The following GBF1 variants were observed in gnomAD, a reference collection of about 807,000 sequenced individuals.
GBF1 encodes the protein Golgi-specific brefeldin A-resistance guanine nucleotide exchange factor 1.
In GBF1, 114 loss-of-function variants were observed where a neutral mutation model predicts 210.5. The ratio of observed to expected loss-of-function variants is 0.54; its 90% CI spans 0.47 to 0.63. The LOEUF is 0.63. GBF1 is among the 30% of genes least tolerant of loss of function. GBF1 has a pLI of 0.00. For synonymous variants in GBF1, 850 were observed against 889.2 expected (o/e 0.96, Z 0.78); for missense variants, 1,851 against 2,357.7 (o/e 0.79, Z 4.45).
chr10:102,365,618 A>G lies in GBF1; in HGVS notation c.2309+19A>G. The G allele has an allele frequency of 1.2e-6, 2 of 1,604,158 alleles. No individual in the cohort carries two copies. Among genetic ancestry groups the G allele is most frequent in the African/African-American group, 1.3e-5 (1 of 74,814 alleles). ...TTGTGAGGTGAGGAAGCTGTAAGAAATGTGGGATATAGCCAGGTATGGTGG... is the reference window on the plus strand; with the variant it reads ...TTGTGAGGTGAGGAAGCTGTAAGAAGTGTGGGATATAGCCAGGTATGGTGG... On this transcript the variant is annotated intron_variant, in intron 18 of 39. Coordinates refer to ENST00000369983, the MANE Select transcript of GBF1 (RefSeq NM_001377137.1).
intron 9 of GBF1, 44 bp downstream of exon 9, chr10:102,358,230 C>T: frequency 5.9e-6 from 9 of 1,537,350 alleles, no homozygotes; most frequent in Non-Finnish European, 8.0e-6. Flanking sequence ...AAAAGAAGAG[C>T]TCCTTTCTCT....
intron 3 of GBF1, among the ~76,000 whole-genome samples, chr10:102,326,204 T>C (rs2056885293): frequency 6.6e-6 from 1 of 152,230 alleles, no homozygotes; most frequent in African/African-American, 2.4e-5. Context: ...ACGCCAAGTA[T>C]GTAAACTTGC....
chr10:102,326,939 G>A (rs1415981846), intron 3 of GBF1, among the ~76,000 whole-genome samples: 1 of 152,182 alleles, frequency 6.6e-6, no homozygotes, highest in Non-Finnish European at 1.5e-5. Context: ...CTGGCACGTA[G>A]CCTGACTACC....
chr10:102,235,173 CCCCCCA>C, the GBF1 span, among the ~76,000 whole-genome samples: 54 of 56,136 alleles, frequency 9.6e-4, 3 homozygotes, highest in African/African-American at 5.1e-3. Flanking sequence ...CCTTCCCCCA[CCCCCCA>C]CCCCCCCACC....
Position 102,368,759 on chromosome 10 carries a change from C to T in GBF1, c.2900C>T (p.Ala967Val). The T allele has an allele frequency of 6.2e-7, 1 of 1,612,836 alleles. No homozygotes were observed. Among genetic ancestry groups the T allele is most frequent in the East Asian group, 2.2e-5 (1 of 44,878 alleles). Reference sequence around the variant, plus strand: ...TACAGGAAGTGCGCCATGATCTCCGCCCACTATGGCCTCAGCGATGTGTTT... The same window carrying T: ...TACAGGAAGTGCGCCATGATCTCCGTCCACTATGGCCTCAGCGATGTGTTT... ...SGFRKCAMISAHYGLSDVFDN... is the reference protein window; with the variant it reads ...SGFRKCAMISVHYGLSDVFDN... Residue 967 changes from alanine to valine, a missense_variant, in exon 23 of 40, where the codon GCC (alanine) becomes GTC (valine). Physicochemically the swap from Ala to Val is moderately conservative, Grantham distance 64. Coordinates refer to ENST00000369983, the MANE Select transcript of GBF1 (RefSeq NM_001377137.1).
intron 3 of GBF1, among the ~76,000 whole-genome samples, chr10:102,277,293 A>G (rs2075074030): frequency 6.6e-6 from 1 of 152,148 alleles, no homozygotes; most frequent in African/African-American, 2.4e-5. Flanking sequence ...ACTGCATTCC[A>G]CCATGGGTGA....
chr10:102,315,798 C>T (rs1435933576), intron 3 of GBF1, among the ~76,000 whole-genome samples: 2 of 152,088 alleles, frequency 1.3e-5, no homozygotes, highest in South Asian at 2.1e-4. Context: ...GTTGGGGACC[C>T]CTGCTGTAGG....
chr10:102,280,632 C>T (rs2133445455), intron 3 of GBF1, among the ~76,000 whole-genome samples: 1 of 152,364 alleles, frequency 6.6e-6, no homozygotes. Flanking sequence ...TACCTCTTGT[C>T]TCCCCAGTCA....
At chr10:102,305,528 T>G (rs1224665991) in intron 3 of GBF1, among the ~76,000 whole-genome samples, 1 of 151,984 alleles carries the variant, frequency 6.6e-6, no homozygotes, top group African/African-American at 2.4e-5. Context: ...GAGAATCACT[T>G]GAACCCAGGA....
the GBF1 span, chr10:102,231,445 C>A: frequency 1.6e-6 from 1 of 636,240 alleles, no homozygotes; most frequent in Non-Finnish European, 2.7e-6. Flanking sequence ...GGCAAGAGAC[C>A]GCGTGGGGCT....
intron 12 of GBF1, 81 bp from the exon 13 acceptor site, chr10:102,360,941 C>T: frequency 1.3e-6 from 1 of 767,446 alleles, no homozygotes; most frequent in Non-Finnish European, 2.3e-6. Flanking sequence ...CGCCACTGCA[C>T]TCCAGCGTGG....
chr10:102,362,431 G>A, intron 14 of GBF1, 44 bp from the exon 15 acceptor site: 1 of 1,334,918 alleles, frequency 7.5e-7, no homozygotes, highest in Non-Finnish European at 1.1e-6. Flanking sequence ...AAAGTGTAAA[G>A]TGTTCTCCTA....
intron 3 of GBF1, among the ~76,000 whole-genome samples, chr10:102,341,433 A>C (rs1339007026): frequency 6.6e-6 from 1 of 152,218 alleles, no homozygotes; most frequent in Non-Finnish European, 1.5e-5. Context: ...CAGGAATCCT[A>C]CCCCTGGGTA....
At chr10:102,374,005 T>A (rs1326632448) in intron 29 of GBF1, among the ~76,000 whole-genome samples, 1 of 152,242 alleles carries the variant, frequency 6.6e-6, no homozygotes, top group African/African-American at 2.4e-5. Context: ...AAAAAGGTTA[T>A]GTAATATATA....
intron 1 of GBF1, among the ~76,000 whole-genome samples, chr10:102,252,975 A>C (rs1000821150): frequency 6.6e-6 from 1 of 150,810 alleles, no homozygotes; most frequent in Admixed American, 6.6e-5. Context: ...GCTTACTGCA[A>C]CCTCCACCTC....
At chr10:102,318,333 C>T (rs1273150339) in intron 3 of GBF1, among the ~76,000 whole-genome samples, 7 of 152,008 alleles carry the variant, frequency 4.6e-5, no homozygotes, top group East Asian at 1.9e-4. Context: ...ACTACAGGTG[C>T]GCATCATCAC....
At position 102,376,883 on chromosome 10, in the gene GBF1, T is replaced by C. The variant is rs543955841; in HGVS notation, c.4289-52T>C. ...GGCTGAGAGGGGAGAAAAGGCAGGG[T>C]ATCTATGCCTATATAGACACAGAAA... On this transcript the variant is annotated intron_variant, in intron 32 of 39. Coordinates refer to ENST00000369983, the MANE Select transcript of GBF1 (RefSeq NM_001377137.1). 6 of 1,602,294 alleles carry C rather than the reference T, an allele frequency of 3.7e-6. No homozygotes were observed. The South Asian group carries it at 6.6e-5, about 18-fold the overall frequency.
chr10:102,290,983 T>G (rs1217436622), intron 3 of GBF1, among the ~76,000 whole-genome samples: 1 of 152,242 alleles, frequency 6.6e-6, no homozygotes, highest in Non-Finnish European at 1.5e-5. Context: ...TTTTCTCAAG[T>G]GTTTTACTGT....
At chr10:102,283,067 A>G (rs755009975) in intron 3 of GBF1, among the ~76,000 whole-genome samples, 45 of 152,194 alleles carry the variant, frequency 3.0e-4, no homozygotes, top group Non-Finnish European at 1.3e-4. Context: ...TCAGATCTTA[A>G]GGTAAGGAGT....
Sources: allele counts gnomAD v4.1 joint callset (sites outside exome capture counted in the v4.1 genomes callset), GRCh38; gene constraint gnomAD v4.1.1; transcripts MANE v1.5; gene names NCBI Gene and HGNC (gene_info 2026-07-23, HGNC 2026-07-21).